PGM1: variants seen among roughly 807,000 people sequenced by gnomAD.
PGM1 encodes the protein phosphoglucomutase 1.
In PGM1, 52 loss-of-function variants were observed where a neutral mutation model predicts 55.6. The observed-to-expected ratio is 0.94, with a 90% CI of 0.75 to 1.18. The LOEUF (loss-of-function observed/expected upper bound fraction) is 1.18. PGM1 is among the 50% of genes most tolerant of loss of function. The probability of loss-of-function intolerance (pLI) is 0.00; values close to 1 mark genes in which losing one functional copy is unlikely to be tolerated. For synonymous variants in PGM1, 287 were observed against 271.7 expected, an observed-to-expected ratio of 1.06 and a Z score of -0.55; for missense variants, 724 against 729.3, an observed-to-expected ratio of 0.99 and a Z score of 0.08.
chr1:63,629,704 G>GC, intron 2 of PGM1, 117 bp downstream of exon 2: 1 of 1,067,550 alleles, frequency 9.4e-7, no homozygotes, highest in Non-Finnish European at 1.4e-6. Flanking sequence ...GTAGGGAGGT[G>GC]CTCTTTGCTT....
intron 1 of PGM1, among the ~76,000 whole-genome samples, chr1:63,600,466 C>T (rs1036093527): frequency 2.6e-5 from 4 of 152,014 alleles, no homozygotes; most frequent in Admixed American, 6.5e-5. Flanking sequence ...ATTAGGTTCT[C>T]GGTACTACGG....
chr1:63,606,921 C>T (rs990365762), intron 1 of PGM1, among the ~76,000 whole-genome samples: 1 of 152,182 alleles, frequency 6.6e-6, no homozygotes, highest in Non-Finnish European at 1.5e-5. Context: ...TAGAAAGGAA[C>T]CAAGGCACAA....
intron 1 of PGM1, among the ~76,000 whole-genome samples, chr1:63,629,111 C>T (rs918617518): frequency 2.6e-5 from 4 of 151,990 alleles, no homozygotes; most frequent in Admixed American, 6.6e-5. Flanking sequence ...AAATTGTGGC[C>T]CCGATCTGGA....
At chr1:63,620,837 T>C (rs551589876) in intron 1 of PGM1, among the ~76,000 whole-genome samples, 1 of 152,280 alleles carries the variant, frequency 6.6e-6, no homozygotes, top group South Asian at 2.1e-4. Context: ...TTTGTGTCAT[T>C]GTGAAGGAGT....
At chr1:63,594,169 G>T (rs1647965602) in intron 1 of PGM1, 2 of 977,892 alleles carry the variant, frequency 2.0e-6, no homozygotes, top group Non-Finnish European at 1.2e-6. Context: ...GCCTCGCCCA[G>T]AGCCCCCTCG....
At chr1:63,610,147 A>G (rs1212132810) in intron 1 of PGM1, among the ~76,000 whole-genome samples, 2 of 152,230 alleles carry the variant, frequency 1.3e-5, no homozygotes, top group Admixed American at 1.3e-4. Flanking sequence ...AATATATGCT[A>G]TATCAGAGAA....
At chr1:63,613,912 C>T (rs975704234) in intron 1 of PGM1, among the ~76,000 whole-genome samples, 1 of 152,148 alleles carries the variant, frequency 6.6e-6, no homozygotes, top group African/African-American at 2.4e-5. Flanking sequence ...CCAAAGGAGC[C>T]ATACATAGCC....
intron 1 of PGM1, among the ~76,000 whole-genome samples, chr1:63,594,958 C>T (rs1302918974): frequency 5.4e-5 from 1 of 18,666 alleles, no homozygotes; most frequent in African/African-American, 6.6e-4. Flanking sequence ...GAGACTCCGT[C>T]TCAAAAAAAA....
intron 1 of PGM1, among the ~76,000 whole-genome samples, chr1:63,616,099 T>C (rs1243881338): frequency 6.6e-6 from 1 of 152,194 alleles, no homozygotes; most frequent in Admixed American, 6.5e-5. Context: ...ATTTTAATAA[T>C]TGTGCTCCTG....
In PGM1 at chr1:63,656,598, GTGTGTGTGTA is replaced by G. The variant is rs1338384063; in HGVS notation, c.1599+2134_1599+2143del. On this transcript the variant is annotated intron_variant, in intron 10 of 10. Coordinates refer to ENST00000371084, the MANE Select transcript of PGM1 (RefSeq NM_002633.3). ...TGTGTGTGTGTGTGTGTGTGTGTGTGTGTGTGTGTATACCACAATGGAAAATTATTCTGCC... is the reference window on the plus strand; with the variant it reads ...TGTGTGTGTGTGTGTGTGTGTGTGTGTACCACAATGGAAAATTATTCTGCC... Among the ~76,000 whole-genome samples the G allele has an allele frequency of 9.0e-3, 1,127 of 124,566 alleles. 10 individuals are homozygous for G. The highest frequency in any genetic ancestry group is 0.047 in the African/African-American group (1,049 of 22,342). The allele number at this position is 124,566 out of a possible 152,430, so 81.7% of individuals were successfully genotyped here.
intron 1 of PGM1, chr1:63,594,011 G>A: frequency 8.8e-7 from 1 of 1,139,062 alleles, no homozygotes; most frequent in East Asian, 5.2e-5. Flanking sequence ...GGTCACGCCC[G>A]ACTCTCCGTC....
chr1:63,605,851 T>A (rs1274450849), intron 1 of PGM1, among the ~76,000 whole-genome samples: 12 of 152,152 alleles, frequency 7.9e-5, no homozygotes, highest in Non-Finnish European at 5.9e-5. Context: ...GAATTACAGG[T>A]GTGAGCCACC....
At chr1:63,656,168 G>T (rs190201734) in intron 10 of PGM1, 1 of 152,186 alleles carries the variant, frequency 6.6e-6, no homozygotes, top group Non-Finnish European at 1.5e-5. Context: ...GCCAACAGGC[G>T]TATGAAAAGG....
chr1:63,652,218 C>G (rs1649828626), intron 9 of PGM1, among the ~76,000 whole-genome samples: 1 of 152,172 alleles, frequency 6.6e-6, no homozygotes, highest in South Asian at 2.1e-4. Context: ...ATGTCAACTC[C>G]TCTCTTTTCT....
At chr1:63,649,827 G>C (rs76463827) in intron 8 of PGM1, among the ~76,000 whole-genome samples, 7,022 of 152,248 alleles carry the variant, frequency 0.046, 209 homozygotes, top group Middle Eastern at 0.088. Context: ...AGAAAAACCT[G>C]GTCATTCAGA....
intron 1 of PGM1, among the ~76,000 whole-genome samples, chr1:63,616,154 A>G (rs982705597): frequency 1.3e-5 from 2 of 152,238 alleles, no homozygotes; most frequent in East Asian, 3.8e-4. Flanking sequence ...CCAAGTGAAT[A>G]TTCTTAAGGG....
Position 63,593,725 on chromosome 1 carries a change from C to G in PGM1, c.237C>G (p.Ala79=). The G allele has an allele frequency of 6.3e-7, 1 of 1,596,364 alleles. No individual in the cohort carries two copies. The highest frequency in any genetic ancestry group is 8.5e-7 in the Non-Finnish European group (1 of 1,174,900). The part of the protein sequence containing the change: ...EAIQLIARIA[A]ANGIGRLVIG... ...TCCAGCTCATCGCTCGCATCGCTGC[C>G]GCCAACGGGGTAAGGGATGCGCGGC... Residue 79 remains alanine, a synonymous_variant, in exon 1 of 11, where the codon GCC becomes GCG. Coordinates refer to ENST00000371084, the MANE Select transcript of PGM1 (RefSeq NM_002633.3).
intron 1 of PGM1, chr1:63,623,767 A>G (rs1463556007): frequency 2.5e-6 from 4 of 1,593,308 alleles, no homozygotes; most frequent in Admixed American, 3.4e-5. Context: ...TGGGGTGGGT[A>G]TATGATAAGT....
chr1:63,657,186 C>T (rs763436746), intron 10 of PGM1, among the ~76,000 whole-genome samples: 8 of 152,154 alleles, frequency 5.3e-5, no homozygotes, highest in Non-Finnish European at 1.2e-4. Flanking sequence ...TTTCTTTTAA[C>T]ACCTAATTAA....
Sources: gnomAD v4.1 joint callset for allele counts (sites outside exome capture counted in the v4.1 genomes callset) on GRCh38, gnomAD v4.1.1 for gene constraint, MANE v1.5 for transcripts, NCBI Gene and HGNC (gene_info 2026-07-23, HGNC 2026-07-21) for gene names.